Variants in PRKN observed in about 807,000 individuals in gnomAD.
PRKN encodes the protein parkin RBR E3 ubiquitin protein ligase, also known as E3 ubiquitin-protein ligase parkin.
PRKN carries 56 observed loss-of-function variants against 59.5 expected under a neutral mutation model. That is an observed-to-expected ratio of 0.94 (90% CI 0.76 to 1.18). PRKN has a LOEUF of 1.18. Among genes scored for constraint, PRKN ranks in the 50% most tolerant of loss-of-function variants. PRKN has a pLI of 0.00. For synonymous variants in PRKN, 250 were observed against 222.1 expected (o/e 1.13, Z -1.12); for missense variants, 657 against 596.4 (o/e 1.10, Z -1.06).
chr6:162,019,473 A>G (rs1308881316), intron 5 of PRKN, among the ~76,000 whole-genome samples: 1 of 152,192 alleles, frequency 6.6e-6, no homozygotes, highest in East Asian at 1.9e-4. Flanking sequence ...CAAGTCTCCC[A>G]GCAGCCTGCT....
intron 3 of PRKN, among the ~76,000 whole-genome samples, chr6:162,261,966 A>G (rs549515521): frequency 6.6e-6 from 1 of 152,272 alleles, no homozygotes; most frequent in South Asian, 2.1e-4. Flanking sequence ...AGGAAAATCA[A>G]CTTCTACCCT....
At chr6:162,608,224 G>A (rs554008973) in intron 1 of PRKN, among the ~76,000 whole-genome samples, 66 of 152,288 alleles carry the variant, frequency 4.3e-4, no homozygotes, top group East Asian at 3.9e-3. Flanking sequence ...CTGACGTATC[G>A]GGAGAAAATA....
At chr6:162,222,892 G>A (rs1460048274) in intron 3 of PRKN, among the ~76,000 whole-genome samples, 1 of 151,354 alleles carries the variant, frequency 6.6e-6, no homozygotes, top group African/African-American at 2.4e-5. Context: ...GGGTACATGT[G>A]CACAATGTGC....
intron 6 of PRKN, among the ~76,000 whole-genome samples, chr6:161,818,826 C>G (rs114901456): frequency 6.6e-6 from 1 of 152,126 alleles, no homozygotes; most frequent in Non-Finnish European, 1.5e-5. Context: ...CATAGAGCTA[C>G]GAACTGGAGA....
chr6:162,571,708 A>C (rs1162053594), intron 1 of PRKN, among the ~76,000 whole-genome samples: 1 of 152,154 alleles, frequency 6.6e-6, no homozygotes, highest in African/African-American at 2.4e-5. Flanking sequence ...AAGGTGCCTG[A>C]GCTGGCACTT....
At chr6:161,734,580 A>C (rs997155150) in intron 7 of PRKN, among the ~76,000 whole-genome samples, 22 of 152,274 alleles carry the variant, frequency 1.4e-4, no homozygotes, top group African/African-American at 5.1e-4. Context: ...AGTGTGTGGT[A>C]ATTTGTTGAG....
intron 7 of PRKN, among the ~76,000 whole-genome samples, chr6:161,749,871 ACAGT>A (rs1437048414): frequency 2.0e-5 from 3 of 152,098 alleles, no homozygotes; most frequent in East Asian, 1.9e-4. Flanking sequence ...ACAAGAAGTG[ACAGT>A]CAGAGTACTT....
chr6:162,118,422 T>C (rs1375950486), intron 4 of PRKN, among the ~76,000 whole-genome samples: 2 of 151,912 alleles, frequency 1.3e-5, no homozygotes, highest in Non-Finnish European at 2.9e-5. Context: ...AAAAAGAGTA[T>C]GATCACATTA....
chr6:161,942,546 TA>T (rs1318337353), intron 6 of PRKN, among the ~76,000 whole-genome samples: 1 of 151,972 alleles, frequency 6.6e-6, no homozygotes, highest in Non-Finnish European at 1.5e-5. Flanking sequence ...AATAAATAAA[TA>T]AAATAAAATA....
intron 1 of PRKN, among the ~76,000 whole-genome samples, chr6:162,604,097 T>C (rs1781811325): frequency 6.6e-6 from 1 of 152,190 alleles, no homozygotes; most frequent in Admixed American, 6.6e-5. Context: ...AGGACCACAC[T>C]GCACCGCAGC....
rs868777980 is a variant in PRKN at position 161,467,670 on chromosome 6, A to C, written c.1084-80793T>G. 4.6e-5 allele frequency among the ~76,000 whole-genome samples: 7 copies of C among 152,212 alleles called. No individual in the cohort carries two copies. The highest frequency in any genetic ancestry group is 1.4e-4 in the African/African-American group (6 of 41,444). On this transcript the variant is annotated intron_variant, in intron 9 of 11. Coordinates refer to ENST00000366898, the MANE Select transcript of PRKN (RefSeq NM_004562.3). This position sits in a 1 kb window ranked among gnomAD's most constrained non-coding sequence, Gnocchi z 4.3. Reference sequence around the variant, plus strand: ...GTCTCAAAGGATGTGCAGGAGCGACAGAGGCTGCAAATGCCTGCCCAATAT... The same window carrying C: ...GTCTCAAAGGATGTGCAGGAGCGACCGAGGCTGCAAATGCCTGCCCAATAT...
chr6:162,542,351 C>A (rs1374433017), intron 1 of PRKN, among the ~76,000 whole-genome samples: 1 of 152,130 alleles, frequency 6.6e-6, no homozygotes, highest in Non-Finnish European at 1.5e-5. Flanking sequence ...AGAGATGTTA[C>A]TTGCCCAAGA....
chr6:161,828,809 A>G (rs1792353105), intron 6 of PRKN, among the ~76,000 whole-genome samples: 1 of 152,182 alleles, frequency 6.6e-6, no homozygotes, highest in African/African-American at 2.4e-5. Context: ...AGCTGCCTGT[A>G]GTCCCAGCTA....
In PRKN at chr6:161,741,953, T is replaced by G. The variant is rs866566367; in HGVS notation, c.871+43819A>C. On this transcript the variant is annotated intron_variant, in intron 7 of 11. Transcript: ENST00000366898. ...TGAGATCTGATGGGATTTATTTATT[T>G]ATTTATTTATTTATTTATTTATTTA... Among the ~76,000 whole-genome samples, 333 of 142,800 alleles carry G rather than the reference T, an allele frequency of 2.3e-3. 5 individuals carry two copies. Among genetic ancestry groups the G allele is most frequent in the Middle Eastern group, 7.0e-3 (2 of 284 alleles). 93.7% of individuals were successfully genotyped at this position (142,800 alleles called of 152,430 possible).
At chr6:162,165,402 A>G (rs960266540) in intron 4 of PRKN, among the ~76,000 whole-genome samples, 2 of 149,306 alleles carry the variant, frequency 1.3e-5, no homozygotes, top group Non-Finnish European at 3.0e-5. Flanking sequence ...TAGTTCCAAA[A>G]CATACACCTG....
At chr6:162,062,120 C>T (rs867435254) in intron 4 of PRKN, among the ~76,000 whole-genome samples, 1 of 152,044 alleles carries the variant, frequency 6.6e-6, no homozygotes, top group Admixed American at 6.6e-5. Context: ...GGCAAGTGCT[C>T]CTAACAATTT....
chr6:162,611,947 A>G, intron 1 of PRKN, among the ~76,000 whole-genome samples: 1 of 152,044 alleles, frequency 6.6e-6, no homozygotes, highest in East Asian at 1.9e-4. Context: ...GCACTTTGGG[A>G]GGCCAAGGCG....
rs764910255 is a variant in PRKN at position 161,870,273 on chromosome 6, C to G, written c.735-84365G>C. On this transcript the variant is annotated intron_variant, in intron 6 of 11. Coordinates refer to ENST00000366898, the MANE Select transcript of PRKN (RefSeq NM_004562.3). The stretch of plus-strand genomic sequence containing the variant: ...ACAAAGAAAATGACAAAATCAGAAG[C>G]CCCCCCACAGCTCAGCACATACTCT... 4.4e-4 allele frequency among the ~76,000 whole-genome samples: 55 copies of G among 124,436 alleles called. 1 individual carries two copies. The highest frequency in any genetic ancestry group is 7.4e-4 in the Non-Finnish European group (43 of 58,092). The allele number at this position is 124,436 out of a possible 152,430, so 81.6% of individuals were successfully genotyped here. A position where few individuals can be genotyped will look rare whatever the true frequency, so the allele number is the denominator to read the frequency against.
chr6:161,656,551 T>C (rs1784359060), intron 7 of PRKN, among the ~76,000 whole-genome samples: 1 of 152,174 alleles, frequency 6.6e-6, no homozygotes, highest in Non-Finnish European at 1.5e-5. Context: ...TGAGATGCCG[T>C]GGAACATGCC....
Sources: gnomAD v4.1 joint callset for allele counts (sites outside exome capture counted in the v4.1 genomes callset) on GRCh38, gnomAD v4.1.1 for gene constraint, Gnocchi (gnomAD v3.1) non-coding constraint, MANE v1.5 for transcripts, NCBI Gene and HGNC (gene_info 2026-07-23, HGNC 2026-07-21) for gene names.